Variants in TUSC3 observed in about 807,000 individuals in gnomAD.
The protein encoded by TUSC3 is tumor suppressor candidate 3.
TUSC3 carries 45 observed loss-of-function variants against 44.8 expected under a neutral mutation model. That is an observed-to-expected ratio of 1.00 (90% CI 0.79 to 1.29). The LOEUF (loss-of-function observed/expected upper bound fraction) is 1.29, where lower values mean the gene tolerates loss of function less well. TUSC3 is among the 50% of genes most tolerant of loss of function. TUSC3 has a pLI of 0.00. For missense variants in TUSC3, 519 were observed against 437.9 expected, an observed-to-expected ratio of 1.19 and a Z score of -1.65; for synonymous variants, 212 against 152.9, an observed-to-expected ratio of 1.39 and a Z score of -2.85.
chr8:15,826,691 AG>A, the TUSC3 span, among the ~76,000 whole-genome samples: 4 of 152,186 alleles, frequency 2.6e-5, no homozygotes, highest in African/African-American at 4.8e-5. Flanking sequence ...CATAGGAGTC[AG>A]CCACCATCAC....
At chr8:15,564,713 G>C (rs1215592571) in intron 1 of TUSC3, among the ~76,000 whole-genome samples, 1 of 152,156 alleles carries the variant, frequency 6.6e-6, no homozygotes, top group Non-Finnish European at 1.5e-5. Context: ...CATTGTGACA[G>C]AGTTCTAGGC....
chr8:15,425,362 T>C (rs1176740718), intron 1 of TUSC3, among the ~76,000 whole-genome samples: 1 of 152,182 alleles, frequency 6.6e-6, no homozygotes, highest in East Asian at 1.9e-4. Flanking sequence ...TTCGTATTGA[T>C]AGAGACAGAT....
chr8:15,485,673 G>C (rs753594336), intron 2 of TUSC3, among the ~76,000 whole-genome samples: 7 of 152,146 alleles, frequency 4.6e-5, no homozygotes, highest in Non-Finnish European at 7.4e-5. Context: ...AAGAGTATGT[G>C]TTGGGAATGA....
At chr8:15,827,824 G>A in the TUSC3 span, among the ~76,000 whole-genome samples, 1 of 152,072 alleles carries the variant, frequency 6.6e-6, no homozygotes, top group East Asian at 1.9e-4. Flanking sequence ...ATTTAGATGA[G>A]AGTTGATGCC....
rs1233536727 is a variant in TUSC3 at position 15,756,258 on chromosome 8, G to A, written c.1029-1533G>A. 2.0e-5 allele frequency among the ~76,000 whole-genome samples: 3 copies of A among 152,176 alleles called. No homozygotes were observed. The East Asian group carries it at 5.8e-4, about 30-fold the overall frequency. Reference sequence around the variant, plus strand: ...AACTTCCAAGTCTCATTTTTCTGCAGCTCTAGTTACCTCTCTCTCTATATT... The same window carrying A: ...AACTTCCAAGTCTCATTTTTCTGCAACTCTAGTTACCTCTCTCTCTATATT... On this transcript the variant is annotated intron_variant, in intron 9 of 10. Coordinates refer to ENST00000503731, the MANE Select transcript of TUSC3 (RefSeq NM_006765.4).
At chr8:15,847,996 G>A in the TUSC3 span, among the ~76,000 whole-genome samples, 1 of 152,192 alleles carries the variant, frequency 6.6e-6, no homozygotes. Context: ...CTAGGACACA[G>A]TGGACATGCA....
chr8:15,632,627 T>G (rs918093104), intron 2 of TUSC3, among the ~76,000 whole-genome samples: 1 of 152,228 alleles, frequency 6.6e-6, no homozygotes, highest in Non-Finnish European at 1.5e-5. Context: ...TTATAATGTT[T>G]GTCTGAACTT....
At position 15,609,580 on chromosome 8, in the gene TUSC3, A is replaced by T. The variant is rs912599612; in HGVS notation, c.139-13500A>T. Among the ~76,000 whole-genome samples, 3 of 152,172 alleles carry T rather than the reference A, an allele frequency of 2.0e-5. No homozygotes were observed. The South Asian group carries it at 6.2e-4, about 31-fold the overall frequency. On this transcript the variant is annotated intron_variant, in intron 1 of 10. Transcript: ENST00000503731. Reference sequence around the variant, plus strand: ...AGCTAATGCAGTGGTGGAAAAAAAAATGGGAAGCTCATTTGACCCATTTGA... The same window carrying T: ...AGCTAATGCAGTGGTGGAAAAAAAATTGGGAAGCTCATTTGACCCATTTGA...
intron 2 of TUSC3, among the ~76,000 whole-genome samples, chr8:15,514,825 A>C (rs971197367): frequency 6.6e-6 from 1 of 152,254 alleles, no homozygotes; most frequent in South Asian, 2.1e-4. Context: ...TGACTCAGCC[A>C]CTCGCTAGGC....
chr8:15,624,086 G>A (rs573198914), intron 2 of TUSC3, among the ~76,000 whole-genome samples: 1 of 152,144 alleles, frequency 6.6e-6, no homozygotes, highest in South Asian at 2.1e-4. Flanking sequence ...GACCTTTTGG[G>A]TTTGGCTTTT....
In TUSC3 at chr8:15,619,667, A is replaced by C. The variant is rs1298832413; in HGVS notation, c.139-3413A>C. 3.3e-5 allele frequency among the ~76,000 whole-genome samples: 5 copies of C among 151,436 alleles called. No individual in the cohort carries two copies. In the East Asian group the frequency reaches 9.7e-4, roughly 30 times the overall value. ...CCACCACGCCTGGCTAATTTTTTGT[A>C]TTTTTTTGTTTGTTTGTTTGTTTTA... On this transcript the variant is annotated intron_variant, in intron 1 of 10. Transcript: ENST00000503731.
chr8:15,663,958 T>C (rs760828191), intron 5 of TUSC3, among the ~76,000 whole-genome samples: 11 of 151,884 alleles, frequency 7.2e-5, no homozygotes, highest in Non-Finnish European at 1.2e-4. Flanking sequence ...TACCAAAAAT[T>C]GATGTAGTCT....
At chr8:15,461,773 A>G (rs1211709094) in intron 1 of TUSC3, among the ~76,000 whole-genome samples, 1 of 151,972 alleles carries the variant, frequency 6.6e-6, no homozygotes, top group African/African-American at 2.4e-5. Flanking sequence ...AGAAAAAATG[A>G]AGACATTCAA....
the TUSC3 span, among the ~76,000 whole-genome samples, chr8:15,782,187 C>T: frequency 1.3e-4 from 20 of 152,110 alleles, no homozygotes; most frequent in Admixed American, 1.3e-3. Flanking sequence ...ATGCAAAGTC[C>T]TCAGCAAAAT....
intron 1 of TUSC3, among the ~76,000 whole-genome samples, chr8:15,611,680 C>T (rs1270546397): frequency 6.6e-6 from 1 of 152,036 alleles, no homozygotes; most frequent in South Asian, 2.1e-4. Context: ...TACTGTATAG[C>T]TCATTGTGGT....
chr8:15,684,846 G>C (rs559616153), intron 6 of TUSC3, among the ~76,000 whole-genome samples: 1 of 152,170 alleles, frequency 6.6e-6, no homozygotes, highest in Admixed American at 6.5e-5. Context: ...CAGGAGAGCA[G>C]ACTGCTCCTA....
intron 2 of TUSC3, among the ~76,000 whole-genome samples, chr8:15,513,136 C>A (rs1022805567): frequency 2.0e-5 from 3 of 151,394 alleles, no homozygotes; most frequent in African/African-American, 7.3e-5. Context: ...AAATAACTCA[C>A]AAATGAGTGT....
chr8:15,712,609 A>G (rs1201300245), intron 6 of TUSC3, among the ~76,000 whole-genome samples: 2 of 152,170 alleles, frequency 1.3e-5, no homozygotes, highest in East Asian at 3.9e-4. Context: ...CTAGAATCTC[A>G]GTCCTCTTTC....
intron 3 of TUSC3, among the ~76,000 whole-genome samples, chr8:15,652,340 C>A (rs1387388176): frequency 6.6e-6 from 1 of 152,094 alleles, no homozygotes; most frequent in Non-Finnish European, 1.5e-5. Context: ...TTTCTTCTTG[C>A]CAGTTTCTAG....
Sources: gnomAD v4.1 joint callset for allele counts (sites outside exome capture counted in the v4.1 genomes callset) on GRCh38, gnomAD v4.1.1 for gene constraint, MANE v1.5 for transcripts, NCBI Gene and HGNC (gene_info 2026-07-23, HGNC 2026-07-21) for gene names.